Variants in UBE2E2 observed in about 807,000 individuals in gnomAD.
UBE2E2 encodes the protein ubiquitin conjugating enzyme E2 E2, also known as ubiquitin-conjugating enzyme E2 E2.
UBE2E2 carries 6 observed loss-of-function variants against 24.7 expected under a neutral mutation model. That is an observed-to-expected ratio of 0.24 (90% CI 0.13 to 0.48). The LOEUF (loss-of-function observed/expected upper bound fraction) is 0.48, where lower values mean the gene tolerates loss of function less well. Ranked by LOEUF, UBE2E2 falls within the 20% of genes least tolerant of loss-of-function variation. The pLI, the probability that UBE2E2 is intolerant of heterozygous loss-of-function variation, is 0.99. For synonymous variants in UBE2E2, 104 were observed against 83.6 expected (o/e 1.24, Z -1.33); for missense variants, 169 against 245.0 (o/e 0.69, Z 2.07).
At chr3:23,213,506 T>C (rs1696385327) in intron 2 of UBE2E2, among the ~76,000 whole-genome samples, 1 of 152,106 alleles carries the variant, frequency 6.6e-6, no homozygotes, top group African/African-American at 2.4e-5. Context: ...TGGAGTAATA[T>C]ACATTGAAAT....
chr3:23,328,564 A>G (rs1694971287), intron 3 of UBE2E2, among the ~76,000 whole-genome samples: 1 of 151,634 alleles, frequency 6.6e-6, no homozygotes, highest in Non-Finnish European at 1.5e-5. Context: ...GACTTTGGAT[A>G]TTTTCAGTTT....
intron 3 of UBE2E2, among the ~76,000 whole-genome samples, chr3:23,263,531 GCAT>G (rs1697958343): frequency 6.6e-6 from 1 of 152,126 alleles, no homozygotes; most frequent in Non-Finnish European, 1.5e-5. Context: ...CATGATAATA[GCAT>G]CATGTCACCT....
intron 3 of UBE2E2, among the ~76,000 whole-genome samples, chr3:23,444,224 G>A (rs1049391603): frequency 1.3e-4 from 20 of 152,012 alleles, no homozygotes; most frequent in African/African-American, 4.1e-4. Context: ...GAAGCACCAC[G>A]AGATACCCCA....
intron 5 of UBE2E2, among the ~76,000 whole-genome samples, chr3:23,544,586 G>A (rs1349197258): frequency 6.6e-6 from 1 of 152,158 alleles, no homozygotes; most frequent in Non-Finnish European, 1.5e-5. Context: ...GGGAATGCTT[G>A]TACACTGCTG....
At chr3:23,257,460 T>A (rs1221729912) in intron 3 of UBE2E2, among the ~76,000 whole-genome samples, 1 of 149,598 alleles carries the variant, frequency 6.7e-6, no homozygotes, top group Non-Finnish European at 1.5e-5. Context: ...GCTCCATTGC[T>A]TTATCTTGCT....
intron 2 of UBE2E2, among the ~76,000 whole-genome samples, chr3:23,212,532 A>G (rs1696357809): frequency 6.6e-6 from 1 of 152,132 alleles, no homozygotes; most frequent in Admixed American, 6.5e-5. Context: ...TTTATTCTAA[A>G]TTAACTGTTT....
At position 23,311,733 on chromosome 3, in the gene UBE2E2, A is replaced by G. The variant is rs971995891; in HGVS notation, c.227+94421A>G. On this transcript the variant is annotated intron_variant, in intron 3 of 5. Transcript: ENST00000396703. ...TCTAGTTTTTAGTTTTTATTTATTT[A>G]AATTTTTTCTTTTTAAATCGTGGGT... Among the ~76,000 whole-genome samples the G allele has an allele frequency of 2.0e-5, 3 of 152,188 alleles. No individual in the cohort carries two copies. In the South Asian group the frequency reaches 6.2e-4, roughly 31 times the overall value.
At chr3:23,383,960 T>C (rs1403792957) in intron 3 of UBE2E2, among the ~76,000 whole-genome samples, 3 of 152,184 alleles carry the variant, frequency 2.0e-5, no homozygotes, top group Admixed American at 1.3e-4. Context: ...CCTCACAATT[T>C]ATCTAAGCCC....
intron 3 of UBE2E2, among the ~76,000 whole-genome samples, chr3:23,418,272 A>G (rs1330010705): frequency 1.3e-5 from 2 of 152,166 alleles, no homozygotes; most frequent in South Asian, 2.1e-4. Context: ...ACCGTTCCTC[A>G]TGGCACAGTT....
intron 5 of UBE2E2, among the ~76,000 whole-genome samples, chr3:23,584,593 C>G (rs184242204): frequency 1.3e-5 from 2 of 151,240 alleles, no homozygotes; most frequent in Non-Finnish European, 2.9e-5. Context: ...CTCGCTCTTT[C>G]GCCCAGCTGG....
intron 3 of UBE2E2, among the ~76,000 whole-genome samples, chr3:23,322,367 C>G (rs13092830): frequency 0.077 from 11,685 of 152,202 alleles, 567 homozygotes; most frequent in Non-Finnish European, 0.092. Flanking sequence ...TAATTTGTAT[C>G]TAAGCTGAGT....
At position 23,456,469 on chromosome 3, in the gene UBE2E2, A is replaced by C. The variant is rs867641496; in HGVS notation, c.228-43139A>C. ...CCTTACAAAATGTATTTCTTCAATA[A>C]TAACACTTGAAAGTCAAAATTACTC... On this transcript the variant is annotated intron_variant, in intron 3 of 5. Transcript: ENST00000396703. 2.6e-5 allele frequency among the ~76,000 whole-genome samples: 4 copies of C among 152,220 alleles called. No homozygotes were observed. The South Asian group carries it at 8.3e-4, about 32-fold the overall frequency.
intron 3 of UBE2E2, among the ~76,000 whole-genome samples, chr3:23,357,960 C>T (rs891402669): frequency 2.0e-5 from 3 of 152,148 alleles, no homozygotes; most frequent in African/African-American, 7.2e-5. Flanking sequence ...CTCAGCCTTC[C>T]AGGTAGCTGG....
intron 3 of UBE2E2, among the ~76,000 whole-genome samples, chr3:23,484,996 C>T (rs1205832142): frequency 6.6e-6 from 1 of 151,814 alleles, no homozygotes; most frequent in Non-Finnish European, 1.5e-5. Context: ...GAAAATAAGT[C>T]TCAACACCAT....
At chr3:23,555,822 A>T (rs1389162416) in intron 5 of UBE2E2, among the ~76,000 whole-genome samples, 16 of 152,200 alleles carry the variant, frequency 1.1e-4, no homozygotes, top group Non-Finnish European at 2.2e-4. Flanking sequence ...TTCTTTTTAA[A>T]GGTCAACTAT....
intron 3 of UBE2E2, among the ~76,000 whole-genome samples, chr3:23,319,015 TTG>T (rs1385249963): frequency 2.6e-5 from 4 of 152,218 alleles, no homozygotes; most frequent in Non-Finnish European, 4.4e-5. Context: ...AAGGAGAATG[TTG>T]TGTGTTTAAG....
At chr3:23,457,416 T>C in intron 3 of UBE2E2, among the ~76,000 whole-genome samples, 1 of 152,216 alleles carries the variant, frequency 6.6e-6, no homozygotes, top group East Asian at 1.9e-4. Flanking sequence ...CTACATTTTG[T>C]CTGCACTGAA....
intron 3 of UBE2E2, among the ~76,000 whole-genome samples, chr3:23,237,220 T>C (rs1446321574): frequency 6.6e-6 from 1 of 152,206 alleles, no homozygotes; most frequent in South Asian, 2.1e-4. Flanking sequence ...GTTGATGCTG[T>C]TGTTGCTGTT....
intron 4 of UBE2E2, among the ~76,000 whole-genome samples, chr3:23,510,401 G>A (rs1694568468): frequency 6.6e-6 from 1 of 152,162 alleles, no homozygotes; most frequent in Non-Finnish European, 1.5e-5. Context: ...GAGGTTAGGA[G>A]TTTGAGCCCA....
Sources: allele counts gnomAD v4.1 joint callset (sites outside exome capture counted in the v4.1 genomes callset), GRCh38; gene constraint gnomAD v4.1.1; transcripts MANE v1.5; gene names NCBI Gene and HGNC (gene_info 2026-07-23, HGNC 2026-07-21).